Variants in SLC25A24 observed in about 807,000 individuals in gnomAD.
SLC25A24 encodes the protein mitochondrial adenyl nucleotide antiporter SLC25A24.
Under a neutral mutation model 60.7 loss-of-function variants are expected in SLC25A24, and 49 were observed. The observed-to-expected ratio is 0.81, with a 90% confidence interval of 0.64 to 1.02. The LOEUF (loss-of-function observed/expected upper bound fraction) is 1.02, where lower values mean the gene tolerates loss of function less well. SLC25A24 is among the 50% of genes least tolerant of loss of function. SLC25A24 has a pLI of 0.00. For missense variants in SLC25A24, 564 were observed against 586.3 expected (o/e 0.96, Z 0.39); for synonymous variants, 202 against 200.6 (o/e 1.01, Z -0.06).
Position 108,136,844 on chromosome 1 carries a change from A to G in SLC25A24, c.1250-7T>C. 6 of 1,611,262 alleles carry G rather than the reference A, an allele frequency of 3.7e-6. No homozygotes were observed. The highest frequency in any genetic ancestry group is 5.1e-6 in the Non-Finnish European group (6 of 1,178,646). On this transcript the variant is annotated splice_polypyrimidine_tract_variant and splice_region_variant and intron_variant, in intron 9 of 9. Transcript: ENST00000565488. ...GGGGAACCTTCTAACATGGCTAAAA[A>G]ATAAAAAAAGAGGGTAATTTAATAT... is the stretch of plus-strand genomic sequence containing the variant.
intron 1 of SLC25A24, among the ~76,000 whole-genome samples, chr1:108,186,952 C>T (rs887953782): frequency 6.6e-6 from 1 of 152,000 alleles, no homozygotes; most frequent in African/African-American, 2.4e-5. Flanking sequence ...TGGCGCATGC[C>T]TGTAATCCCA....
chr1:108,154,859 G>T, intron 6 of SLC25A24, 124 bp downstream of exon 6: 1 of 643,832 alleles, frequency 1.6e-6, no homozygotes, highest in East Asian at 2.9e-5. Flanking sequence ...TCCTCCTTAT[G>T]GAGTATATGT....
At chr1:108,138,207 G>A (rs1309558975) in intron 9 of SLC25A24, among the ~76,000 whole-genome samples, 1 of 152,198 alleles carries the variant, frequency 6.6e-6, no homozygotes, top group Non-Finnish European at 1.5e-5. Flanking sequence ...GGCCACACCT[G>A]ACTTGTTGAC....
At chr1:108,145,121 G>A (rs1242112156) in intron 7 of SLC25A24, among the ~76,000 whole-genome samples, 4 of 151,930 alleles carry the variant, frequency 2.6e-5, no homozygotes, top group Non-Finnish European at 2.9e-5. Flanking sequence ...ACTAACTGGC[G>A]TGAGATGGTA....
Position 108,181,951 on chromosome 1 carries a change from TC to T in SLC25A24, c.387del (p.Ile130PhefsTer11). On this transcript the variant is annotated frameshift_variant, in exon 3 of 10. Coordinates refer to ENST00000565488, the MANE Select transcript of SLC25A24 (RefSeq NM_013386.5). LOFTEE classifies it high-confidence loss of function. ...ACATGAAGAGCTTACCTTTGAAGAA[TC>T]AACTCTGCTTGTTGTTCAGAAATAG... ...GLTISEQQAELILQSIDVDGT... is the reference protein window; with the variant it reads ...GLTISEQQAEXILQSIDVDGT... The T allele has an allele frequency of 6.2e-7, 1 of 1,608,848 alleles. No homozygotes were observed. The highest frequency in any genetic ancestry group is 8.5e-7 in the Non-Finnish European group (1 of 1,175,724).
chr1:108,156,854 G>T (rs1011599014), intron 5 of SLC25A24, among the ~76,000 whole-genome samples: 1 of 152,180 alleles, frequency 6.6e-6, no homozygotes, highest in Non-Finnish European at 1.5e-5. Context: ...TGTTGTAAAG[G>T]AAAAGTCAAT....
At chr1:108,169,124 A>G (rs1647351673) in intron 3 of SLC25A24, among the ~76,000 whole-genome samples, 1 of 152,180 alleles carries the variant, frequency 6.6e-6, no homozygotes, top group Non-Finnish European at 1.5e-5. Flanking sequence ...AATCCAAAAT[A>G]TGGATGGGTC....
intron 3 of SLC25A24, among the ~76,000 whole-genome samples, chr1:108,177,024 GA>G (rs1647696377): frequency 1.3e-5 from 2 of 152,070 alleles, no homozygotes; most frequent in African/African-American, 4.8e-5. Context: ...GTAGGAAAGA[GA>G]AAACTATTAA....
chr1:108,136,973 T>C, intron 9 of SLC25A24, 136 bp from the exon 10 acceptor site: 1 of 796,818 alleles, frequency 1.3e-6, no homozygotes, highest in Non-Finnish European at 2.0e-6. Context: ...CAAGACAACA[T>C]CCCTTTTATG....
chr1:108,193,347 C>G (rs373273652), intron 1 of SLC25A24, among the ~76,000 whole-genome samples: 2 of 137,500 alleles, frequency 1.5e-5, no homozygotes, highest in African/African-American at 5.0e-5. Context: ...TCCCTCCCCC[C>G]TTTTGGAGTC....
At chr1:108,160,326 G>T (rs1437619899) in intron 4 of SLC25A24, among the ~76,000 whole-genome samples, 1 of 151,234 alleles carries the variant, frequency 6.6e-6, no homozygotes, top group Non-Finnish European at 1.5e-5. Context: ...GATGGCGGCC[G>T]GGAAGAGGCG....
Position 108,198,090 on chromosome 1 carries a change from A to C in SLC25A24, c.183+1866T>G, listed in dbSNP as rs190303807. ...TTGACTTTCCACCATGTTGTGACAC[A>C]GCAGGAAAGCCCTCCCCAGGAGTCC... On this transcript the variant is annotated intron_variant, in intron 1 of 9. Coordinates refer to ENST00000565488, the MANE Select transcript of SLC25A24 (RefSeq NM_013386.5). 7.5e-3 allele frequency among the ~76,000 whole-genome samples: 1,147 copies of C among 152,306 alleles called. 10 individuals carry two copies. Among genetic ancestry groups the C allele is most frequent in the Middle Eastern group, 0.014 (4 of 294 alleles).
At position 108,136,384 on chromosome 1, in the gene SLC25A24, C is replaced by T. The variant is rs752799195; in HGVS notation, c.*269G>A. 15 of 279,208 alleles carry T rather than the reference C, an allele frequency of 5.4e-5. No individual in the cohort carries two copies. The highest frequency in any genetic ancestry group is 4.9e-4 in the South Asian group (5 of 10,296). 17.3% of individuals were successfully genotyped at this position (279,208 alleles called of 1,614,324 possible). On this transcript the variant is annotated 3_prime_UTR_variant, in exon 10 of 10. Transcript: ENST00000565488. Reference sequence around the variant, plus strand: ...TTCAAGCCAGTACATTTTCAGATTTCGGATTCAGGGCAGAGATTTGCAGGA... The same window carrying T: ...TTCAAGCCAGTACATTTTCAGATTTTGGATTCAGGGCAGAGATTTGCAGGA...
chr1:108,192,801 G>T (rs1239347831), intron 1 of SLC25A24: 8 of 1,276,440 alleles, frequency 6.3e-6, no homozygotes, highest in Admixed American at 3.6e-5. Context: ...GAAGGAGAGG[G>T]CTCATCCTAA....
Position 108,181,896 on chromosome 1 carries a change from A to G in SLC25A24, c.398+45T>C, listed in dbSNP as rs490680. The G allele has an allele frequency of 0.67, 894,156 of 1,325,784 alleles. 305,082 individuals carry two copies. The highest frequency in any genetic ancestry group is 0.86 in the African/African-American group (59,722 of 69,086). The allele number at this position is 1,325,784 out of a possible 1,614,324, so 82.1% of individuals were successfully genotyped here. On this transcript the variant is annotated intron_variant, in intron 3 of 9. Transcript: ENST00000565488. Reference sequence around the variant, plus strand: ...TTACAAACACAGAGTTCTAATGCAGAATATTAAAGTGAAAGTCAATTGTTG... The same window carrying G: ...TTACAAACACAGAGTTCTAATGCAGGATATTAAAGTGAAAGTCAATTGTTG...
chr1:108,152,538 G>A (rs1388619198), intron 6 of SLC25A24, among the ~76,000 whole-genome samples: 1 of 152,044 alleles, frequency 6.6e-6, no homozygotes, highest in Non-Finnish European at 1.5e-5. Flanking sequence ...TATATTTTTT[G>A]TAGAAATGGG....
At position 108,180,616 on chromosome 1, in the gene SLC25A24, A is replaced by ATCCCTCTCTC. The variant is rs532485349; in HGVS notation, c.398+1324_398+1325insGAGAGAGGGA. 4.9e-3 allele frequency among the ~76,000 whole-genome samples: 302 copies of ATCCCTCTCTC among 61,780 alleles called. 24 individuals are homozygous for ATCCCTCTCTC. The highest frequency in any genetic ancestry group is 0.019 in the African/African-American group (281 of 14,508). 40.5% of individuals were successfully genotyped at this position (61,780 alleles called of 152,430 possible). ...CCTTATAATAGAAAGCAAGAGAAAG[A>ATCCCTCTCTC]TCTCTCTCTCTCTCTCTCTCTCTCT... On this transcript the variant is annotated intron_variant, in intron 3 of 9. Coordinates refer to ENST00000565488, the MANE Select transcript of SLC25A24 (RefSeq NM_013386.5).
intron 7 of SLC25A24, 71 bp downstream of exon 7, chr1:108,148,208 T>A (rs1277688431): frequency 2.2e-6 from 2 of 918,324 alleles, no homozygotes; most frequent in Non-Finnish European, 3.6e-6. Context: ...AATTTTGGGA[T>A]AACTTGTTAG....
chr1:108,180,233 C>T (rs1262725466), intron 3 of SLC25A24, among the ~76,000 whole-genome samples: 17 of 151,940 alleles, frequency 1.1e-4, no homozygotes, highest in Non-Finnish European at 2.1e-4. Context: ...GGCGTGGTGG[C>T]GCGTGCCTAT....
Sources: gnomAD v4.1 joint callset for allele counts (sites outside exome capture counted in the v4.1 genomes callset) on GRCh38, gnomAD v4.1.1 for gene constraint, MANE v1.5 for transcripts, NCBI Gene and HGNC (gene_info 2026-07-23, HGNC 2026-07-21) for gene names.